FBXL17: variants seen among roughly 807,000 people sequenced by gnomAD.
The protein encoded by FBXL17 is F-box and leucine rich repeat protein 17.
In FBXL17, 22 loss-of-function variants were observed where a neutral mutation model predicts 66.2. The observed-to-expected ratio is 0.33, with a 90% CI of 0.24 to 0.47. The LOEUF is 0.47. Ranked by LOEUF, FBXL17 falls within the 20% of genes least tolerant of loss-of-function variation. FBXL17 has a pLI of 1.00. For synonymous variants in FBXL17, 474 were observed against 400.5 expected (o/e 1.18, Z -2.19); for missense variants, 878 against 948.2 (o/e 0.93, Z 0.97).
intron 7 of FBXL17, among the ~76,000 whole-genome samples, chr5:107,955,221 C>A (rs1416087308): frequency 6.6e-6 from 1 of 151,950 alleles, no homozygotes; most frequent in Non-Finnish European, 1.5e-5. Flanking sequence ...GGAGTAAGTA[C>A]TAGGCCAAAG....
At chr5:107,946,310 T>TATATATATATATA (rs1751292520) in intron 7 of FBXL17, among the ~76,000 whole-genome samples, 3 of 107,402 alleles carry the variant, frequency 2.8e-5, no homozygotes, top group Non-Finnish European at 3.8e-5. Flanking sequence ...TATATATATA[T>TATATATATATATA]TAGTGACAGA....
intron 6 of FBXL17, among the ~76,000 whole-genome samples, chr5:108,059,987 A>T (rs187354013): frequency 6.6e-6 from 1 of 150,584 alleles, no homozygotes; most frequent in Non-Finnish European, 1.5e-5. Flanking sequence ...ATATGTTTTT[A>T]TATACTGAAT....
intron 7 of FBXL17, among the ~76,000 whole-genome samples, chr5:107,990,135 C>T (rs1753183041): frequency 6.6e-6 from 1 of 152,180 alleles, no homozygotes. Flanking sequence ...CTGGCATCCT[C>T]CTATGACAGG....
At chr5:107,909,276 C>G (rs145541881) in intron 7 of FBXL17, among the ~76,000 whole-genome samples, 1 of 152,230 alleles carries the variant, frequency 6.6e-6, no homozygotes, top group African/African-American at 2.4e-5. Context: ...ATGGAAAGAG[C>G]CACAATTTGT....
intron 6 of FBXL17, among the ~76,000 whole-genome samples, chr5:108,155,094 T>C (rs571861000): frequency 1.3e-5 from 2 of 152,144 alleles, no homozygotes; most frequent in South Asian, 2.1e-4. Flanking sequence ...ATTAAACACA[T>C]ATAAACTCAA....
At chr5:108,273,984 A>C (rs1757381497) in intron 4 of FBXL17, among the ~76,000 whole-genome samples, 1 of 152,218 alleles carries the variant, frequency 6.6e-6, no homozygotes, top group South Asian at 2.1e-4. Flanking sequence ...CTTTTACAGG[A>C]ATTTCTTAAA....
intron 6 of FBXL17, among the ~76,000 whole-genome samples, chr5:108,118,232 T>C (rs1452345936): frequency 1.3e-5 from 2 of 152,222 alleles, no homozygotes; most frequent in Non-Finnish European, 2.9e-5. Context: ...TTATCTCCAG[T>C]CCTGACTTCC....
chr5:108,113,084 T>C (rs1435028628), intron 6 of FBXL17, among the ~76,000 whole-genome samples: 1 of 152,212 alleles, frequency 6.6e-6, no homozygotes, highest in Non-Finnish European at 1.5e-5. Flanking sequence ...TAGAGTTTGC[T>C]AATAACTCAC....
rs1750239878 is a variant in FBXL17 at position 107,919,455 on chromosome 5, G to T, written c.1823-38276C>A. ...AAAGTGATCCTCTTAAAGTGTATCA[G>T]CTCAGGTCCCTCCTCTGCTCACAGT... On this transcript the variant is annotated intron_variant, in intron 7 of 8. Coordinates refer to ENST00000542267, the MANE Select transcript of FBXL17 (RefSeq NM_001163315.3). Among the ~76,000 whole-genome samples the T allele has an allele frequency of 2.0e-5, 3 of 152,152 alleles. No individual in the cohort carries two copies. The South Asian group carries it at 6.2e-4, about 31-fold the overall frequency.
At chr5:108,301,421 A>C (rs1041051934) in intron 4 of FBXL17, among the ~76,000 whole-genome samples, 3 of 150,486 alleles carry the variant, frequency 2.0e-5, no homozygotes, top group African/African-American at 7.5e-5. Context: ...ATTTTTACAT[A>C]TATTTACAAC....
At chr5:107,889,575 A>C (rs1244882221) in intron 7 of FBXL17, among the ~76,000 whole-genome samples, 1 of 152,126 alleles carries the variant, frequency 6.6e-6, no homozygotes, top group Non-Finnish European at 1.5e-5. Flanking sequence ...GTATTGTCTG[A>C]CTCACAAAGG....
At chr5:107,942,171 C>A (rs1385867585) in intron 7 of FBXL17, among the ~76,000 whole-genome samples, 1 of 152,164 alleles carries the variant, frequency 6.6e-6, no homozygotes, top group African/African-American at 2.4e-5. Context: ...CCATGACCAT[C>A]TTCAGAGTGC....
At chr5:108,226,510 C>T (rs369134193) in intron 4 of FBXL17, among the ~76,000 whole-genome samples, 2 of 151,978 alleles carry the variant, frequency 1.3e-5, no homozygotes, top group East Asian at 3.9e-4. Flanking sequence ...TTTTAAAGAA[C>T]TGGGAGGAGG....
chr5:107,969,330 C>G (rs1362417134), intron 7 of FBXL17, among the ~76,000 whole-genome samples: 1 of 152,068 alleles, frequency 6.6e-6, no homozygotes, highest in Non-Finnish European at 1.5e-5. Context: ...AGTATACACT[C>G]TTTAACAAAT....
chr5:108,051,464 C>T (rs1393227742), intron 6 of FBXL17, among the ~76,000 whole-genome samples: 1 of 152,138 alleles, frequency 6.6e-6, no homozygotes, highest in Non-Finnish European at 1.5e-5. Context: ...AATCCATCAT[C>T]ACCTAAACAG....
chr5:108,022,636 T>C (rs1164413726), intron 6 of FBXL17, among the ~76,000 whole-genome samples: 1 of 152,138 alleles, frequency 6.6e-6, no homozygotes, highest in Non-Finnish European at 1.5e-5. Flanking sequence ...ATTTGAATAG[T>C]TCAAAATGCC....
At chr5:108,356,001 T>C (rs1320437205) in intron 3 of FBXL17, among the ~76,000 whole-genome samples, 1 of 152,092 alleles carries the variant, frequency 6.6e-6, no homozygotes, top group African/African-American at 2.4e-5. Flanking sequence ...CTACTTTAAA[T>C]AGACAGAAAT....
intron 6 of FBXL17, among the ~76,000 whole-genome samples, chr5:108,083,536 G>A (rs979118839): frequency 2.0e-5 from 3 of 151,634 alleles, no homozygotes; most frequent in Admixed American, 6.6e-5. Flanking sequence ...GATTAGCTGG[G>A]ACACAGGTGC....
intron 7 of FBXL17, among the ~76,000 whole-genome samples, chr5:107,925,059 C>T (rs1364130099): frequency 3.3e-5 from 5 of 152,066 alleles, no homozygotes; most frequent in African/African-American, 1.2e-4. Context: ...AGTGCTTCAG[C>T]AACTAAAAAA....
Sources: allele counts gnomAD v4.1 joint callset (sites outside exome capture counted in the v4.1 genomes callset), GRCh38; gene constraint gnomAD v4.1.1; transcripts MANE v1.5; gene names NCBI Gene and HGNC (gene_info 2026-07-23, HGNC 2026-07-21).